BAZ1A: variants seen among roughly 807,000 people sequenced by gnomAD.
The protein encoded by BAZ1A is bromodomain adjacent to zinc finger domain protein 1A.
Under a neutral mutation model 185.2 loss-of-function variants are expected in BAZ1A, and 50 were observed. The observed-to-expected ratio is 0.27, with a 90% CI of 0.22 to 0.34. The LOEUF (loss-of-function observed/expected upper bound fraction) is 0.34. BAZ1A is among the 10% of genes least tolerant of loss of function. BAZ1A has a pLI of 1.00. For synonymous variants in BAZ1A, 571 were observed against 615.6 expected (o/e 0.93, Z 1.07); for missense variants, 1,356 against 1,839.9 (o/e 0.74, Z 4.81).
chr14:34,838,828 A>G (rs1475877422), intron 3 of BAZ1A, among the ~76,000 whole-genome samples: 2 of 152,060 alleles, frequency 1.3e-5, no homozygotes, highest in Non-Finnish European at 2.9e-5. Flanking sequence ...TCTGGCCAGG[A>G]AACAATTATT....
chr14:34,856,289 CTTT>C (rs10707416), intron 3 of BAZ1A, among the ~76,000 whole-genome samples: 19 of 134,486 alleles, frequency 1.4e-4, no homozygotes, highest in Admixed American at 2.3e-4. Context: ...TCAAGAGCAT[CTTT>C]TTTTTTTTTT....
chr14:34,836,680 C>T (rs867923583), intron 3 of BAZ1A, among the ~76,000 whole-genome samples: 1 of 151,816 alleles, frequency 6.6e-6, no homozygotes, highest in African/African-American at 2.4e-5. Flanking sequence ...TATGCTTGGA[C>T]AATTAAGTCA....
At chr14:34,875,031 A>G (rs1294576076) in intron 1 of BAZ1A, 107 bp downstream of exon 1, 2 of 209,700 alleles carry the variant, frequency 9.5e-6, no homozygotes, top group Non-Finnish European at 1.9e-5. Context: ...GGCCAGCCCA[A>G]CGCCGCCAGA....
At chr14:34,839,795 G>A (rs552201454) in intron 3 of BAZ1A, among the ~76,000 whole-genome samples, 126 of 133,316 alleles carry the variant, frequency 9.5e-4, no homozygotes, top group African/African-American at 3.3e-3. Context: ...AGCCCAGATC[G>A]TGCCACTGCA....
chr14:34,792,831 A>G lies in BAZ1A; in HGVS notation c.1454T>C (p.Ile485Thr). ...GGCTACTTCCTCTTCTTCTTCAGCTATTGCCTGGAAGATTGCAGTCAGGAA... is the reference window on the plus strand; with the variant it reads ...GGCTACTTCCTCTTCTTCTTCAGCTGTTGCCTGGAAGATTGCAGTCAGGAA... Reference protein sequence around the residue: ...FFFLTAIFQAIAEEEEEVAKE... With the variant: ...FFFLTAIFQATAEEEEEVAKE... Residue 485 changes from isoleucine to threonine, a missense_variant, in exon 12 of 27, where the codon ATA (isoleucine) becomes ACA (threonine). Transcript: ENST00000360310. The G allele has an allele frequency of 1.9e-6, 3 of 1,613,944 alleles. No homozygotes were observed. Among genetic ancestry groups the G allele is most frequent in the Non-Finnish European group, 2.5e-6 (3 of 1,179,964 alleles).
In BAZ1A at chr14:34,826,141, A is replaced by T. The variant is rs762536988; in HGVS notation, c.408T>A (p.Ile136=). 4 of 1,608,792 alleles carry T rather than the reference A, an allele frequency of 2.5e-6. No homozygotes were observed. The African/African-American group carries it at 5.4e-5, about 22-fold the overall frequency. ...GATGTGATGGAGGGAGGACTTCCAAAATCCTACACTGCAACCTGAAATAAA... is the reference window on the plus strand; with the variant it reads ...GATGTGATGGAGGGAGGACTTCCAATATCCTACACTGCAACCTGAAATAAA... ...RNNGARLQCR[I]LEVLPPSHQN... Residue 136 remains isoleucine (I), a synonymous_variant, in exon 4 of 27, where the codon ATT becomes ATA. Coordinates refer to ENST00000360310, the MANE Select transcript of BAZ1A (RefSeq NM_013448.3).
At chr14:34,772,470 A>C in intron 20 of BAZ1A, among the ~76,000 whole-genome samples, 1 of 152,174 alleles carries the variant, frequency 6.6e-6, no homozygotes, top group East Asian at 1.9e-4. Context: ...CCATTCTAGT[A>C]AATATAATGC....
rs964428068 is a variant in BAZ1A at position 34,835,057 on chromosome 14, AT to A, written c.393-8902del. ...TCTAGAAGATGAAATTCCGGCTCAG[AT>A]TTTTTTTTTTCCTTTTTTCCTGAGA... is the stretch of plus-strand genomic sequence containing the variant. On this transcript the variant is annotated intron_variant, in intron 3 of 26. Transcript: ENST00000360310. 1.0e-3 allele frequency among the ~76,000 whole-genome samples: 150 copies of A among 146,336 alleles called. 4 individuals carry two copies. Among genetic ancestry groups the A allele is most frequent in the East Asian group, 8.3e-3 (42 of 5,086 alleles).
intron 4 of BAZ1A, among the ~76,000 whole-genome samples, chr14:34,819,822 T>A (rs1283551653): frequency 6.6e-6 from 1 of 152,188 alleles, no homozygotes; most frequent in Non-Finnish European, 1.5e-5. Flanking sequence ...TATAAAAGTA[T>A]GTTTGGTACT....
intron 3 of BAZ1A, among the ~76,000 whole-genome samples, chr14:34,837,382 C>A (rs1171320088): frequency 6.7e-6 from 1 of 149,712 alleles, no homozygotes; most frequent in East Asian, 1.9e-4. Context: ...GCTGGGACTA[C>A]AGGCGAATAC....
In BAZ1A at chr14:34,785,867, C is replaced by T. The variant is rs1369120177; in HGVS notation, c.1741G>A (p.Ala581Thr). ...YRYQKRGGFD[A>T]TDDACMELRL... ...AGCTCCATACAAGCATCATCTGTAG[C>T]ATCAAATCCTCCTCGTTTTTGATAT... The change falls in exon 14 of 27, where the codon GCT (alanine) becomes ACT (threonine). Residue 581 changes from alanine to threonine, a missense_variant. Physicochemically the swap from Ala to Thr is moderately conservative, Grantham distance 58 (BLOSUM62 0). This residue lies in a region of BAZ1A where 184 missense variants were observed against 355.1 expected (regional missense o/e 0.52). Transcript: ENST00000360310. 6.2e-6 allele frequency: 10 copies of T among 1,614,112 alleles called. No homozygotes were observed. Among genetic ancestry groups the T allele is most frequent in the Non-Finnish European group, 7.6e-6 (9 of 1,180,026 alleles).
At chr14:34,769,248 G>A (rs1312693286) in intron 21 of BAZ1A, among the ~76,000 whole-genome samples, 1 of 152,018 alleles carries the variant, frequency 6.6e-6, no homozygotes, top group Non-Finnish European at 1.5e-5. Flanking sequence ...GCTGTCCTGT[G>A]CAAAACAGAC....
chr14:34,862,247 C>T lies in BAZ1A; in HGVS notation c.189G>A (p.Thr63=), dbSNP rs200316231. 5.6e-6 allele frequency: 9 copies of T among 1,613,904 alleles called. No homozygotes were observed. The highest frequency in any genetic ancestry group is 6.8e-6 in the Non-Finnish European group (8 of 1,180,016). The change falls in exon 3 of 27, where the codon ACG becomes ACA. Residue 63 remains threonine (T), a synonymous_variant. Transcript: ENST00000360310. ...TTTCTGACTCAAGTGCTTCCTGATA[C>T]GTCAGTCCAGGTCTACCCGTCACAG... ...SCAVTGRPGL[T]YQEALESEKK... is the part of the protein sequence containing the mutation.
intron 16 of BAZ1A, among the ~76,000 whole-genome samples, chr14:34,782,454 G>A (rs1438456966): frequency 6.6e-6 from 1 of 151,082 alleles, no homozygotes; most frequent in Non-Finnish European, 1.5e-5. Flanking sequence ...TTTATTTTTT[G>A]ACATTTAAAA....
chr14:34,814,489 G>A (rs2041976898), intron 4 of BAZ1A, among the ~76,000 whole-genome samples: 1 of 151,768 alleles, frequency 6.6e-6, no homozygotes, highest in Non-Finnish European at 1.5e-5. Context: ...TTTTGGGGGA[G>A]ACAGGGTCTC....
intron 2 of BAZ1A, among the ~76,000 whole-genome samples, chr14:34,863,166 T>A (rs2042799820): frequency 7.5e-6 from 1 of 133,444 alleles, no homozygotes; most frequent in African/African-American, 2.8e-5. Flanking sequence ...TTTTTTTTTT[T>A]TTTTTTTTTT....
At chr14:34,856,783 G>C (rs540736925) in intron 3 of BAZ1A, among the ~76,000 whole-genome samples, 1 of 149,754 alleles carries the variant, frequency 6.7e-6, no homozygotes, top group Non-Finnish European at 1.5e-5. Context: ...GCCTGAACTC[G>C]GGAGGCAGAG....
At chr14:34,787,032 T>G (rs1181641315) in intron 12 of BAZ1A, among the ~76,000 whole-genome samples, 2 of 152,130 alleles carry the variant, frequency 1.3e-5, no homozygotes, top group Non-Finnish European at 2.9e-5. Flanking sequence ...TATTGAAATA[T>G]CTTCATTAAA....
At chr14:34,771,469 T>G in intron 21 of BAZ1A, 42 bp downstream of exon 21, 1 of 1,566,182 alleles carries the variant, frequency 6.4e-7, no homozygotes, top group Middle Eastern at 1.7e-4. Context: ...TCAAAATTAC[T>G]TATAACACAA....
Sources: gnomAD v4.1 joint callset for allele counts (sites outside exome capture counted in the v4.1 genomes callset) on GRCh38, gnomAD v4.1.1 for gene constraint, gnomAD v4.1.1 regional missense constraint, MANE v1.5 for transcripts, NCBI Gene and HGNC (gene_info 2026-07-23, HGNC 2026-07-21) for gene names.